FAM234A: variants seen among roughly 807,000 people sequenced by gnomAD.
The protein encoded by FAM234A is protein FAM234A.
A neutral mutation model predicts 49.1 loss-of-function variants in FAM234A; 42 were observed. The observed-to-expected ratio is 0.86, with a 90% CI of 0.67 to 1.11. FAM234A has a LOEUF of 1.11. Among genes scored for constraint, FAM234A ranks in the 50% least tolerant of loss-of-function variants. The probability of loss-of-function intolerance (pLI) is 0.00; values close to 1 mark genes in which losing one functional copy is unlikely to be tolerated. For synonymous variants in FAM234A, 369 were observed against 316.2 expected (o/e 1.17, Z -1.77); for missense variants, 815 against 745.2 (o/e 1.09, Z -1.09).
In FAM234A at chr16:254,385, C is replaced by G; in HGVS notation, c.-29C>G. 6.2e-7 allele frequency: 1 copy of G among 1,610,890 alleles called. No homozygotes were observed. The highest frequency in any genetic ancestry group is 8.5e-7 in the Non-Finnish European group (1 of 1,178,022). ...CCTCTTGCTTTATCGACACAGTGAC[C>G]AGGAGTTAAACTTTGGGATGTGCCC... On this transcript the variant is annotated 5_prime_UTR_variant, in exon 3 of 13. Transcript: ENST00000399932.
chr16:243,428 TG>T (rs1242782383), intron 1 of FAM234A, among the ~76,000 whole-genome samples: 1 of 152,202 alleles, frequency 6.6e-6, no homozygotes, highest in Non-Finnish European at 1.5e-5. Flanking sequence ...CCTGGGTCCA[TG>T]GGGATTTTCT....
chr16:265,587 G>A lies in FAM234A; in HGVS notation c.*565G>A, dbSNP rs190761071. On this transcript the variant is annotated 3_prime_UTR_variant, in exon 13 of 13. Coordinates refer to ENST00000399932, the MANE Select transcript of FAM234A (RefSeq NM_032039.4). ...CTTCGCAGCCCTTCCCGGAGCTACA[G>A]GGGGATCCTCTAGCATGGGGGGTGT... 4.7e-4 allele frequency: 468 copies of A among 985,856 alleles called. 3 individuals are homozygous for A. In the African/African-American group the frequency reaches 7.4e-3, roughly 16 times the overall value. 61.1% of individuals were successfully genotyped at this position (985,856 alleles called of 1,614,324 possible).
In FAM234A at chr16:241,693, G is replaced by A. The variant is rs1279911869; in HGVS notation, c.-140+6836G>A. 3.9e-5 allele frequency among the ~76,000 whole-genome samples: 6 copies of A among 152,014 alleles called. No individual in the cohort carries two copies. The East Asian group carries it at 7.8e-4, about 20-fold the overall frequency. The stretch of plus-strand genomic sequence containing the variant: ...AGCACTTTGGGAGGCCGAGGCGGGC[G>A]GATCACGAGGTCAGCAGATCGAGAC... On this transcript the variant is annotated intron_variant, in intron 1 of 12. Transcript: ENST00000399932.
intron 1 of FAM234A, among the ~76,000 whole-genome samples, 193 bp from the exon 2 acceptor site, chr16:249,356 C>G (rs1273368190): frequency 6.6e-6 from 1 of 151,958 alleles, no homozygotes; most frequent in African/African-American, 2.4e-5. Context: ...GCAGCTGCTC[C>G]TGACTGGGAC....
At chr16:258,191 G>GT (rs574120990) in intron 3 of FAM234A, among the ~76,000 whole-genome samples, 126 of 149,364 alleles carry the variant, frequency 8.4e-4, no homozygotes, top group Admixed American at 7.3e-3. Context: ...ATTCTTGGGT[G>GT]TTTCTCGCAG....
chr16:235,691 C>T (rs1352394473), intron 1 of FAM234A, among the ~76,000 whole-genome samples: 1 of 152,176 alleles, frequency 6.6e-6, no homozygotes, highest in Non-Finnish European at 1.5e-5. Flanking sequence ...CAATTTCAGT[C>T]TGCATCCAAT....
At chr16:263,216 G>T in intron 8 of FAM234A, 46 bp from the exon 9 acceptor site, 1 of 1,598,918 alleles carries the variant, frequency 6.3e-7, no homozygotes, top group Non-Finnish European at 8.5e-7. Context: ...GGTGCCTGAG[G>T]CCGCCCCGGG....
chr16:268,143 C>T (rs1467099376), downstream of FAM234A, among the ~76,000 whole-genome samples: 2 of 140,640 alleles, frequency 1.4e-5, no homozygotes, highest in East Asian at 2.2e-4. Context: ...ACACACACCA[C>T]ATATGCATGC....
chr16:262,636 T>A, intron 8 of FAM234A, 83 bp downstream of exon 8: 1 of 1,412,176 alleles, frequency 7.1e-7, no homozygotes, highest in Non-Finnish European at 9.3e-7. Context: ...GGACAATCTG[T>A]GTGGAGCCCA....
chr16:268,285 A>G (rs1326082849), downstream of FAM234A: 5 of 234,416 alleles, frequency 2.1e-5, no homozygotes, highest in South Asian at 6.6e-5. Context: ...CCGTCACACC[A>G]TAAGCTGCAC....
downstream of FAM234A, chr16:269,642 T>G: frequency 7.4e-7 from 1 of 1,359,080 alleles, no homozygotes; most frequent in Non-Finnish European, 1.0e-6. Context: ...CTCAGCCAGC[T>G]CCACCCGAAG....
intron 9 of FAM234A, 36 bp from the exon 10 acceptor site, chr16:263,664 A>T (rs2141366602): frequency 1.3e-6 from 2 of 1,531,238 alleles, no homozygotes; most frequent in East Asian, 4.5e-5. Context: ...CTCCTCACTG[A>T]GACCCCTCGT....
At chr16:252,196 T>TG (rs1020363251) in intron 2 of FAM234A, among the ~76,000 whole-genome samples, 1 of 146,758 alleles carries the variant, frequency 6.8e-6, no homozygotes, top group East Asian at 2.0e-4. Flanking sequence ...TTTTTTTTTT[T>TG]TTTTTGAGAC....
In FAM234A at chr16:264,090, G is replaced by A. The variant is rs192659169; in HGVS notation, c.1263G>A (p.Leu421=). The change falls in exon 11 of 13, where the codon CTG becomes CTA. Residue 421 remains leucine, a synonymous_variant. Transcript: ENST00000399932. The part of the protein sequence containing the change: ...LALPSLPGGP[L]SASLPTADHR... Reference sequence around the variant, plus strand: ...TCCCGAGCCTCCCTGGGGGTCCACTGTCCGCCAGCCTGCCGACCGCAGACC... The same window carrying A: ...TCCCGAGCCTCCCTGGGGGTCCACTATCCGCCAGCCTGCCGACCGCAGACC... The A allele has an allele frequency of 2.4e-5, 38 of 1,612,446 alleles. No individual in the cohort carries two copies. The East Asian group carries it at 7.4e-4, about 31-fold the overall frequency.
chr16:262,351 T>C, intron 7 of FAM234A, 73 bp from the exon 8 acceptor site: 1 of 1,556,832 alleles, frequency 6.4e-7, no homozygotes, highest in Non-Finnish European at 8.7e-7. Flanking sequence ...TGGCTCCATG[T>C]GGCACTGCGT....
At position 263,942 on chromosome 16, in the gene FAM234A, G is replaced by A. The variant is rs996442777; in HGVS notation, c.1189-74G>A. 6.4e-5 allele frequency: 96 copies of A among 1,511,176 alleles called. No individual in the cohort carries two copies. The Middle Eastern group carries it at 8.6e-4, about 14-fold the overall frequency. 93.6% of individuals were successfully genotyped at this position (1,511,176 alleles called of 1,614,324 possible). A position where few individuals can be genotyped will look rare whatever the true frequency, so the allele number is the denominator to read the frequency against. On this transcript the variant is annotated intron_variant, in intron 10 of 12. Coordinates refer to ENST00000399932, the MANE Select transcript of FAM234A (RefSeq NM_032039.4). ...CCAGGGCTGGCATGGCTGAGGGCAC[G>A]TGTGCCTGTGCAAGCCTCGAGCTTT...
downstream of FAM234A, chr16:269,677 T>A: frequency 9.9e-7 from 1 of 1,007,946 alleles, no homozygotes; most frequent in Non-Finnish European, 1.5e-6. Flanking sequence ...TGCTGGAGCC[T>A]CCTCCAGCCA....
chr16:262,755 C>A (rs1273030579), intron 8 of FAM234A, among the ~76,000 whole-genome samples: 2 of 151,440 alleles, frequency 1.3e-5, no homozygotes, highest in African/African-American at 4.8e-5. Flanking sequence ...AGGTTCCCGA[C>A]GCTGTGCCTG....
intron 1 of FAM234A, among the ~76,000 whole-genome samples, chr16:239,159 G>A (rs1334394195): frequency 2.8e-5 from 3 of 107,356 alleles, no homozygotes; most frequent in Non-Finnish European, 5.6e-5. Flanking sequence ...AATTAGCCGG[G>A]CATAGTGGCG....
Sources: allele counts gnomAD v4.1 joint callset (sites outside exome capture counted in the v4.1 genomes callset), GRCh38; gene constraint gnomAD v4.1.1; transcripts MANE v1.5; gene names NCBI Gene and HGNC (gene_info 2026-07-23, HGNC 2026-07-21).